HS2ST1: variants seen among roughly 807,000 people sequenced by gnomAD.
HS2ST1 encodes heparan sulfate 2-O-sulfotransferase 1, also known as 2-O-sulfotransferase.
A neutral mutation model predicts 42.9 loss-of-function variants in HS2ST1; 18 were observed. That is an observed-to-expected ratio of 0.42 (90% CI 0.29 to 0.62). HS2ST1 has a LOEUF of 0.62. Ranked by LOEUF, HS2ST1 falls within the 20% of genes least tolerant of loss-of-function variation. HS2ST1 has a pLI of 0.21. For missense variants in HS2ST1, 334 were observed against 433.8 expected (o/e 0.77, Z 2.04); for synonymous variants, 146 against 152.9 (o/e 0.95, Z 0.33).
At chr1:86,971,405 T>C (rs1648231012) in intron 1 of HS2ST1, among the ~76,000 whole-genome samples, 1 of 152,194 alleles carries the variant, frequency 6.6e-6, no homozygotes, top group Admixed American at 6.5e-5. Flanking sequence ...ACCACCTCCT[T>C]CTTACTCTTA....
chr1:87,099,168 G>A (rs1652141791), intron 5 of HS2ST1, among the ~76,000 whole-genome samples: 1 of 152,172 alleles, frequency 6.6e-6, no homozygotes, highest in African/African-American at 2.4e-5. Flanking sequence ...CACTGCAGCA[G>A]CAGAGTTGAG....
At chr1:87,065,470 A>G (rs997358717) in intron 1 of HS2ST1, among the ~76,000 whole-genome samples, 1 of 151,738 alleles carries the variant, frequency 6.6e-6, no homozygotes, top group Non-Finnish European at 1.5e-5. Context: ...CGAGTAACCT[A>G]TTTTTTCTGC....
At chr1:87,050,248 A>G (rs1019046037) in intron 1 of HS2ST1, among the ~76,000 whole-genome samples, 1 of 152,080 alleles carries the variant, frequency 6.6e-6, no homozygotes, top group Non-Finnish European at 1.5e-5. Context: ...TTAGTACATT[A>G]TCTTTTAATG....
intron 1 of HS2ST1, among the ~76,000 whole-genome samples, chr1:87,028,221 C>T (rs1364567112): frequency 2.0e-5 from 3 of 152,170 alleles, no homozygotes; most frequent in Non-Finnish European, 2.9e-5. Flanking sequence ...ACTGAGACTC[C>T]CATCTAAGGT....
chr1:86,919,561 A>G (rs1241952973), intron 1 of HS2ST1, among the ~76,000 whole-genome samples: 2 of 152,130 alleles, frequency 1.3e-5, no homozygotes, highest in Admixed American at 6.5e-5. Context: ...AAGTTTTCAT[A>G]TGTTCTTGGA....
chr1:87,043,004 G>A (rs1305245762), intron 1 of HS2ST1, among the ~76,000 whole-genome samples: 2 of 152,080 alleles, frequency 1.3e-5, no homozygotes, highest in Non-Finnish European at 2.9e-5. Context: ...GAGGAGCCAT[G>A]CTATTATTCT....
chr1:87,066,247 G>A lies in HS2ST1; in HGVS notation c.125-6687G>A, dbSNP rs146975205. Among the ~76,000 whole-genome samples the A allele has an allele frequency of 2.1e-3, 324 of 152,300 alleles. 2 individuals are homozygous for A. The highest frequency in any genetic ancestry group is 3.4e-3 in the Non-Finnish European group (230 of 68,036). ...TGTTGCTAATCTGACACGTGGAAAA[G>A]CATCAAGCTCAGATATGTGCTGCCT... is the stretch of plus-strand genomic sequence containing the variant. On this transcript the variant is annotated intron_variant, in intron 1 of 6. Transcript: ENST00000370550.
chr1:87,101,569 T>C (rs1652209078), intron 5 of HS2ST1, among the ~76,000 whole-genome samples: 1 of 152,224 alleles, frequency 6.6e-6, no homozygotes, highest in African/African-American at 2.4e-5. Context: ...ACTCCAGTTC[T>C]CAGTAACTTC....
chr1:86,982,491 C>A (rs777258996), intron 1 of HS2ST1, among the ~76,000 whole-genome samples: 1 of 152,062 alleles, frequency 6.6e-6, no homozygotes, highest in African/African-American at 2.4e-5. Context: ...TATGACTGAA[C>A]GCTTTCAGAA....
intron 1 of HS2ST1, among the ~76,000 whole-genome samples, chr1:87,025,149 A>T (rs1275977502): frequency 6.7e-6 from 1 of 148,584 alleles, no homozygotes; most frequent in Non-Finnish European, 1.5e-5. Flanking sequence ...AGTGATAATA[A>T]CTGCTGAAAG....
chr1:87,052,968 G>C (rs1650873127), intron 1 of HS2ST1, among the ~76,000 whole-genome samples: 1 of 152,174 alleles, frequency 6.6e-6, no homozygotes, highest in Admixed American at 6.5e-5. Flanking sequence ...GGGAATGTGG[G>C]AAGGCAGGAA....
rs11373445 is a variant in HS2ST1, at chr1:86,966,896, C to CTT, written c.124+51747_124+51748dup. Among the ~76,000 whole-genome samples the CTT allele has an allele frequency of 3.5e-3, 510 of 147,218 alleles. 1 individual carries two copies. Among genetic ancestry groups the CTT allele is most frequent in the Admixed American group, 2.7e-3 (40 of 14,828 alleles). On this transcript the variant is annotated intron_variant, in intron 1 of 6. Transcript: ENST00000370550. Reference sequence around the variant, plus strand: ...TTTAAAAAAATAATAGAGTGCATTCCTTTTTTTTTTTTGAGGCGGAATTTC... The same window carrying CTT: ...TTTAAAAAAATAATAGAGTGCATTCCTTTTTTTTTTTTTTGAGGCGGAATTTC...
chr1:87,099,630 A>G (rs1652152499), intron 5 of HS2ST1, among the ~76,000 whole-genome samples: 1 of 152,218 alleles, frequency 6.6e-6, no homozygotes, highest in Non-Finnish European at 1.5e-5. Flanking sequence ...ACCAAATCTC[A>G]TGTCTTTCTT....
At chr1:87,056,938 A>G (rs1460087435) in intron 1 of HS2ST1, among the ~76,000 whole-genome samples, 1 of 152,174 alleles carries the variant, frequency 6.6e-6, no homozygotes, top group Non-Finnish European at 1.5e-5. Context: ...AATATTTCCA[A>G]TTATTTGAAA....
At chr1:87,036,167 G>A (rs1650370289) in intron 1 of HS2ST1, among the ~76,000 whole-genome samples, 1 of 152,158 alleles carries the variant, frequency 6.6e-6, no homozygotes, top group South Asian at 2.1e-4. Context: ...ACATCATGGT[G>A]TATATGTGCC....
intron 1 of HS2ST1, among the ~76,000 whole-genome samples, chr1:87,058,955 A>G (rs1245104693): frequency 2.0e-5 from 3 of 152,012 alleles, no homozygotes; most frequent in Non-Finnish European, 4.4e-5. Flanking sequence ...GCTACTCGGG[A>G]GGTTGAGGCA....
intron 1 of HS2ST1, among the ~76,000 whole-genome samples, chr1:87,061,151 A>G (rs149284246): frequency 6.6e-6 from 1 of 152,174 alleles, no homozygotes; most frequent in Non-Finnish European, 1.5e-5. Context: ...TTGAGAATAA[A>G]TGACTAATTT....
At chr1:86,959,888 A>G (rs924723545) in intron 1 of HS2ST1, among the ~76,000 whole-genome samples, 21 of 152,248 alleles carry the variant, frequency 1.4e-4, no homozygotes, top group African/African-American at 5.1e-4. Context: ...CTATAGATTC[A>G]GTGTAATTTA....
At chr1:86,964,998 AG>A (rs1182525173) in intron 1 of HS2ST1, among the ~76,000 whole-genome samples, 1 of 152,220 alleles carries the variant, frequency 6.6e-6, no homozygotes, top group Non-Finnish European at 1.5e-5. Flanking sequence ...ATACATTTGT[AG>A]TATTACTGAT....
Sources: gnomAD v4.1 joint callset for allele counts (sites outside exome capture counted in the v4.1 genomes callset) on GRCh38, gnomAD v4.1.1 for gene constraint, MANE v1.5 for transcripts, NCBI Gene and HGNC (gene_info 2026-07-23, HGNC 2026-07-21) for gene names.